STARD3NL: variants seen among roughly 807,000 people sequenced by gnomAD.
STARD3NL encodes the protein STARD3 N-terminal like.
Under a neutral mutation model 30.9 loss-of-function variants are expected in STARD3NL, and 17 were observed. The observed-to-expected ratio is 0.55, with a 90% CI of 0.38 to 0.82. The LOEUF is 0.82. Among genes scored for constraint, STARD3NL ranks in the 40% least tolerant of loss-of-function variants. The pLI is 0.00. For synonymous variants in STARD3NL, 112 were observed against 100.5 expected, an observed-to-expected ratio of 1.11 and a Z score of -0.69; for missense variants, 234 against 277.6, an observed-to-expected ratio of 0.84 and a Z score of 1.12.
intron 4 of STARD3NL, chr7:38,216,079 T>A (rs909785018): frequency 6.6e-6 from 1 of 152,250 alleles, no homozygotes; most frequent in African/African-American, 2.4e-5. Context: ...TTGATGATTG[T>A]ACCCTCCCAT....
chr7:38,182,233 C>A (rs1396694054), intron 1 of STARD3NL, among the ~76,000 whole-genome samples: 1 of 152,102 alleles, frequency 6.6e-6, no homozygotes, highest in Non-Finnish European at 1.5e-5. Flanking sequence ...CACTGTTAGG[C>A]TTTTCTCAGC....
intron 7 of STARD3NL, among the ~76,000 whole-genome samples, chr7:38,223,057 A>T (rs149650302): frequency 6.6e-6 from 1 of 152,060 alleles, no homozygotes; most frequent in Non-Finnish European, 1.5e-5. Flanking sequence ...AAAAGGCCTG[A>T]CGTGCCTTTT....
intron 1 of STARD3NL, among the ~76,000 whole-genome samples, chr7:38,187,669 C>T (rs1324356208): frequency 6.6e-6 from 1 of 151,904 alleles, no homozygotes; most frequent in Non-Finnish European, 1.5e-5. Flanking sequence ...GAAGAACATT[C>T]TTATTTCTGC....
intron 1 of STARD3NL, among the ~76,000 whole-genome samples, chr7:38,192,868 C>T (rs935512668): frequency 4.8e-5 from 6 of 124,902 alleles, no homozygotes; most frequent in African/African-American, 1.4e-4. Flanking sequence ...GGCGCACACT[C>T]CTCTCCTGTT....
chr7:38,191,444 CT>C (rs1421227249), intron 1 of STARD3NL, among the ~76,000 whole-genome samples: 1 of 150,534 alleles, frequency 6.6e-6, no homozygotes, highest in East Asian at 1.9e-4. Context: ...CTTTTTGTGT[CT>C]TCTTTAAGAA....
chr7:38,219,613 G>C lies in STARD3NL; in HGVS notation c.602G>C (p.Gly201Ala), dbSNP rs370959986. ...TCAGAGAGGGCAGCACTTATACCTG[G>C]TGGTCTTTCTGATGGTCAGTTTTAT... is the stretch of plus-strand genomic sequence containing the variant. ...DASERAALIP[G>A]GLSDGQFYSP... is the part of the protein sequence containing the mutation. The change falls in exon 7 of 9, where the codon GGT becomes GCT. Residue 201 changes from glycine to alanine, a missense_variant. Physicochemically the swap from Gly to Ala is moderately conservative, Grantham distance 60. Transcript: ENST00000009041. The C allele has an allele frequency of 1.7e-5, 27 of 1,612,578 alleles. No homozygotes were observed. The African/African-American group carries it at 3.3e-4, about 20-fold the overall frequency.
At chr7:38,192,806 TG>T (rs1200419064) in intron 1 of STARD3NL, among the ~76,000 whole-genome samples, 1 of 152,252 alleles carries the variant, frequency 6.6e-6, no homozygotes, top group African/African-American at 2.4e-5. Context: ...TGGCATCCAC[TG>T]ATAAATATAA....
At chr7:38,206,326 C>T (rs1785478247) in intron 1 of STARD3NL, among the ~76,000 whole-genome samples, 1 of 152,140 alleles carries the variant, frequency 6.6e-6, no homozygotes, top group South Asian at 2.1e-4. Context: ...TGAACTTCTG[C>T]CCACGTTACA....
At chr7:38,218,342 T>C (rs566667281) in intron 6 of STARD3NL, among the ~76,000 whole-genome samples, 4 of 152,316 alleles carry the variant, frequency 2.6e-5, no homozygotes, top group African/African-American at 4.8e-5. Context: ...AGAAGAAATA[T>C]ATAAGAAAAG....
intron 1 of STARD3NL, among the ~76,000 whole-genome samples, chr7:38,198,045 C>G (rs1184352071): frequency 1.3e-5 from 2 of 152,214 alleles, no homozygotes; most frequent in Admixed American, 6.5e-5. Flanking sequence ...CCATGGCAGT[C>G]TGTCCTTTGG....
chr7:38,225,250 T>G (rs1280712071), intron 7 of STARD3NL, among the ~76,000 whole-genome samples: 1 of 152,212 alleles, frequency 6.6e-6, no homozygotes, highest in Non-Finnish European at 1.5e-5. Context: ...ATAAAAGTGT[T>G]TTCATATATG....
intron 7 of STARD3NL, among the ~76,000 whole-genome samples, chr7:38,224,821 TTAA>T (rs986602778): frequency 2.0e-5 from 3 of 152,194 alleles, no homozygotes; most frequent in African/African-American, 7.2e-5. Flanking sequence ...AGTTCTCAAC[TTAA>T]TAAGAAAAGA....
At chr7:38,193,214 C>A (rs944147478) in intron 1 of STARD3NL, among the ~76,000 whole-genome samples, 4 of 152,178 alleles carry the variant, frequency 2.6e-5, no homozygotes, top group Admixed American at 2.6e-4. Flanking sequence ...TTCGTGCATG[C>A]TTTTGAAATG....
intron 2 of STARD3NL, among the ~76,000 whole-genome samples, chr7:38,210,722 G>C (rs1331393211): frequency 2.6e-5 from 4 of 152,242 alleles, no homozygotes; most frequent in Middle Eastern, 3.4e-3. Context: ...GTGTGAACAG[G>C]GATCAAAGTA....
At chr7:38,204,917 C>G (rs1785372972) in intron 1 of STARD3NL, among the ~76,000 whole-genome samples, 1 of 151,932 alleles carries the variant, frequency 6.6e-6, no homozygotes, top group South Asian at 2.1e-4. Context: ...ACACATACAC[C>G]CTCCCAAGAC....
intron 1 of STARD3NL, among the ~76,000 whole-genome samples, chr7:38,193,116 A>T (rs770698994): frequency 6.6e-6 from 1 of 152,186 alleles, no homozygotes; most frequent in Admixed American, 6.5e-5. Flanking sequence ...AAATTATGCA[A>T]GTTCCCCCTG....
At chr7:38,189,589 A>G (rs559503077) in intron 1 of STARD3NL, among the ~76,000 whole-genome samples, 1 of 152,350 alleles carries the variant, frequency 6.6e-6, no homozygotes, top group East Asian at 1.9e-4. Context: ...TTAGACCCCA[A>G]ACCATTGGAT....
chr7:38,213,248 T>C (rs1208318725), intron 2 of STARD3NL, among the ~76,000 whole-genome samples: 2 of 152,172 alleles, frequency 1.3e-5, no homozygotes, highest in African/African-American at 4.8e-5. Context: ...CAATCATTAT[T>C]CCTCCTTCCT....
intron 1 of STARD3NL, among the ~76,000 whole-genome samples, chr7:38,205,374 T>C (rs56277900): frequency 0.045 from 6,908 of 152,238 alleles, 507 homozygotes; most frequent in African/African-American, 0.16. Flanking sequence ...GAATTCGGTT[T>C]AGGTTTATTT....
Sources: allele counts gnomAD v4.1 joint callset (sites outside exome capture counted in the v4.1 genomes callset), GRCh38; gene constraint gnomAD v4.1.1; transcripts MANE v1.5; gene names NCBI Gene and HGNC (gene_info 2026-07-23, HGNC 2026-07-21).